FLNB: variants seen among roughly 807,000 people sequenced by gnomAD.
FLNB encodes filamin-B.
A neutral mutation model predicts 250.6 loss-of-function variants in FLNB; 111 were observed. The ratio of observed to expected loss-of-function variants is 0.44; its 90% CI spans 0.38 to 0.52. The LOEUF (loss-of-function observed/expected upper bound fraction) is 0.52. FLNB is among the 20% of genes least tolerant of loss of function. FLNB has a pLI of 0.00. For missense variants in FLNB, 2,869 were observed against 3,447.8 expected, an observed-to-expected ratio of 0.83 and a Z score of 4.20; for synonymous variants, 1,302 against 1,372.1, an observed-to-expected ratio of 0.95 and a Z score of 1.13.
intron 28 of FLNB, among the ~76,000 whole-genome samples, chr3:58,137,528 T>C (rs1477836236): frequency 2.0e-5 from 3 of 152,270 alleles, no homozygotes; most frequent in Non-Finnish European, 4.4e-5. Flanking sequence ...CACTCCTCCC[T>C]GAACAAACTG....
Position 58,150,132 on chromosome 3 carries a change from G to A in FLNB, c.6272G>A (p.Gly2091Glu). The change falls in exon 38 of 46, where the codon GGG (glycine) becomes GAG (glutamate). Residue 2091 changes from glycine (G) to glutamate (E), a missense_variant. By Grantham distance (98) the Gly-to-Glu change is moderately conservative (BLOSUM62 -2). Around this residue, in one of 5 missense-constraint regions of FLNB, gnomAD observed 1,084 missense variants for 1,315.5 expected, o/e 0.82. Coordinates refer to ENST00000295956, the MANE Select transcript of FLNB (RefSeq NM_001457.4). ...AGCCCATTTACCGTGAAGATCAGTG[G>A]GGAGGGAAGAGTCAAAGAGAGCATC... ...PGSPFTVKIS[G>E]EGRVKESITR... 1 of 1,614,222 alleles carries A rather than the reference G, an allele frequency of 6.2e-7. No homozygotes were observed. Among genetic ancestry groups the A allele is most frequent in the Non-Finnish European group, 8.5e-7 (1 of 1,180,046 alleles).
intron 1 of FLNB, among the ~76,000 whole-genome samples, chr3:58,064,901 G>A (rs751723697): frequency 4.6e-5 from 7 of 152,130 alleles, no homozygotes; most frequent in South Asian, 2.1e-4. Context: ...CTGGCTAGGC[G>A]TGGTGGCAGG....
At position 58,123,183 on chromosome 3, in the gene FLNB, C is replaced by G. The variant is rs949229728; in HGVS notation, c.3217C>G (p.Leu1073Val). 2 of 1,613,696 alleles carry G rather than the reference C, an allele frequency of 1.2e-6. No individual in the cohort carries two copies. The highest frequency in any genetic ancestry group is 2.7e-5 in the African/African-American group (2 of 74,906). Reference sequence around the variant, plus strand: ...TACCAAAGGAGCTGGTACTGGAGGTCTGGGCTTAACGGTGGAAGGTCCGTG... The same window carrying G: ...TACCAAAGGAGCTGGTACTGGAGGTGTGGGCTTAACGGTGGAAGGTCCGTG... ...IDTKGAGTGGLGLTVEGPCEA... is the reference protein window; with the variant it reads ...IDTKGAGTGGVGLTVEGPCEA... Residue 1073 changes from leucine (L) to valine (V), a missense_variant, in exon 21 of 46, where the codon CTG becomes GTG. By Grantham distance (32) the Leu-to-Val change is conservative (BLOSUM62 1). This residue lies in a region of FLNB where 1,348 missense variants were observed against 1,466.7 expected (regional missense o/e 0.92). Transcript: ENST00000295956.
chr3:58,156,843 C>T (rs764223108), intron 41 of FLNB, among the ~76,000 whole-genome samples: 1 of 152,134 alleles, frequency 6.6e-6, no homozygotes. Context: ...ACTCCAGGCA[C>T]GCGCCATCAC....
At chr3:58,138,155 C>A in intron 28 of FLNB, 127 bp from the exon 29 acceptor site, 1 of 1,239,272 alleles carries the variant, frequency 8.1e-7, no homozygotes, top group Non-Finnish European at 1.2e-6. Context: ...TGGGATATCC[C>A]TCTGAATGGC....
At chr3:58,077,440 A>C (rs2097203254) in intron 2 of FLNB, 146 bp downstream of exon 2, 1 of 1,048,398 alleles carries the variant, frequency 9.5e-7, no homozygotes, top group East Asian at 2.6e-5. Flanking sequence ...TTATAAGGAA[A>C]CTAAAACTGG....
chr3:58,087,403 G>A (rs2097218954), intron 4 of FLNB, among the ~76,000 whole-genome samples: 1 of 152,036 alleles, frequency 6.6e-6, no homozygotes, highest in Non-Finnish European at 1.5e-5. Flanking sequence ...GATAGTTGTT[G>A]AAGCTGGGTA....
chr3:58,112,219 G>A lies in FLNB; in HGVS notation c.2646G>A (p.Val882=), dbSNP rs772995926. ...GGGCTGGGAAAGCCCCGCTCAACGT[G>A]CAGTTCAACAGCCCTCTTCCTGGCG... ...TKGAGKAPLN[V]QFNSPLPGDA... is the part of the protein sequence containing the mutation. Residue 882 remains valine, a synonymous_variant, in exon 18 of 46, where the codon GTG becomes GTA. Coordinates refer to ENST00000295956, the MANE Select transcript of FLNB (RefSeq NM_001457.4). 2.5e-6 allele frequency: 4 copies of A among 1,614,154 alleles called. No individual in the cohort carries two copies. In the South Asian group the frequency reaches 4.4e-5, roughly 18 times the overall value.
rs139987929 is a variant in FLNB, at chr3:58,059,338, G to A, written c.293-17708G>A. Reference sequence around the variant, plus strand: ...AGGAAAAAAGAAAACATGAGTGAAGGAAAAACTTTAGTAAATAGGCCAGGT... The same window carrying A: ...AGGAAAAAAGAAAACATGAGTGAAGAAAAAACTTTAGTAAATAGGCCAGGT... On this transcript the variant is annotated intron_variant, in intron 1 of 45. Transcript: ENST00000295956. 9.2e-5 allele frequency among the ~76,000 whole-genome samples: 14 copies of A among 152,304 alleles called. 1 individual carries two copies. The highest frequency in any genetic ancestry group is 3.4e-4 in the African/African-American group (14 of 41,562).
At chr3:58,150,706 TGG>T (rs1225946269) in intron 38 of FLNB, 5 of 206,608 alleles carry the variant, frequency 2.4e-5, no homozygotes, top group Non-Finnish European at 9.9e-6. Context: ...TTGTTCTTCT[TGG>T]GCCCCGATTA....
intron 1 of FLNB, among the ~76,000 whole-genome samples, chr3:58,017,909 C>T (rs1287073483): frequency 6.6e-6 from 1 of 152,146 alleles, no homozygotes; most frequent in Non-Finnish European, 1.5e-5. Flanking sequence ...GAGCCGCTGA[C>T]TCTCTCCCTT....
At chr3:58,082,865 T>A (rs1329648948) in intron 4 of FLNB, among the ~76,000 whole-genome samples, 1 of 152,188 alleles carries the variant, frequency 6.6e-6, no homozygotes, top group Non-Finnish European at 1.5e-5. Context: ...AATTGACAGT[T>A]GTTACCATTC....
chr3:58,091,629 TA>T (rs11443677), intron 4 of FLNB, among the ~76,000 whole-genome samples: 5 of 151,010 alleles, frequency 3.3e-5, no homozygotes, highest in East Asian at 1.9e-4. Context: ...CATGATCCAT[TA>T]AAAAAAAATA....
Position 58,126,725 on chromosome 3 carries a change from C to T in FLNB, c.4185C>T (p.Tyr1395=), listed in dbSNP as rs373754367. Residue 1395 remains tyrosine (Y), a synonymous_variant, in exon 24 of 46, where the codon TAC becomes TAT. Coordinates refer to ENST00000295956, the MANE Select transcript of FLNB (RefSeq NM_001457.4). ...AEYIPFAPGD[Y]DVNITYGGAH... Reference sequence around the variant, plus strand: ...ACATTCCTTTCGCACCGGGGGATTACGATGTTAATATCACATATGGAGGAG... The same window carrying T: ...ACATTCCTTTCGCACCGGGGGATTATGATGTTAATATCACATATGGAGGAG... 3.0e-5 allele frequency: 48 copies of T among 1,613,924 alleles called. No homozygotes were observed. Among genetic ancestry groups the T allele is most frequent in the East Asian group, 1.1e-4 (5 of 44,884 alleles).
chr3:58,067,572 G>GT (rs11400987), intron 1 of FLNB, among the ~76,000 whole-genome samples: 66,077 of 144,840 alleles, frequency 0.46, 15,533 homozygotes, highest in Middle Eastern at 0.58. Context: ...TAACAAAGAG[G>GT]TTTTTTTTGT....
intron 1 of FLNB, among the ~76,000 whole-genome samples, chr3:58,061,443 T>C (rs1203703066): frequency 6.6e-6 from 1 of 152,132 alleles, no homozygotes; most frequent in Non-Finnish European, 1.5e-5. Flanking sequence ...AAGTAACAGA[T>C]GGGTAGGGCA....
At chr3:58,125,347 G>T (rs914444173) in intron 22 of FLNB, among the ~76,000 whole-genome samples, 1 of 152,136 alleles carries the variant, frequency 6.6e-6, no homozygotes, top group Non-Finnish European at 1.5e-5. Context: ...TGCCCAGGCT[G>T]GTCTTGAACT....
intron 4 of FLNB, 107 bp from the exon 5 acceptor site, chr3:58,094,729 T>A: frequency 5.4e-6 from 5 of 931,366 alleles, no homozygotes; most frequent in Non-Finnish European, 8.9e-6. Context: ...ACATGGGATC[T>A]GCAGGGCTGG....
chr3:58,157,640 G>A (rs976499509), intron 41 of FLNB, among the ~76,000 whole-genome samples: 18 of 152,306 alleles, frequency 1.2e-4, no homozygotes, highest in Non-Finnish European at 2.2e-4. Context: ...TAAAACCTAC[G>A]GAGGGAGATA....
Sources: allele counts gnomAD v4.1 joint callset (sites outside exome capture counted in the v4.1 genomes callset), GRCh38; gene constraint gnomAD v4.1.1; regional missense constraint gnomAD v4.1.1; transcripts MANE v1.5; gene names NCBI Gene and HGNC (gene_info 2026-07-23, HGNC 2026-07-21).